Variants in SSC5D observed in about 807,000 individuals in gnomAD.
SSC5D encodes scavenger receptor cysteine rich family member with 5 domains.
In SSC5D, 106 loss-of-function variants were observed where a neutral mutation model predicts 104.6. That is an observed-to-expected ratio of 1.01 (90% CI 0.87 to 1.19). The LOEUF is 1.19. Among genes scored for constraint, SSC5D ranks in the 50% most tolerant of loss-of-function variants. SSC5D has a pLI of 0.00. For synonymous variants in SSC5D, 860 were observed against 883.5 expected (o/e 0.97, Z 0.47); for missense variants, 1,993 against 2,153.8 (o/e 0.93, Z 1.48).
At chr19:55,510,735 ATGG>A (rs1167208678) in intron 12 of SSC5D, among the ~76,000 whole-genome samples, 10 of 151,782 alleles carry the variant, frequency 6.6e-5, no homozygotes, top group Admixed American at 3.3e-4. Flanking sequence ...AGTACCACTA[ATGG>A]TGGTGTTTTT....
chr19:55,508,881 C>T (rs1287393522), intron 12 of SSC5D, among the ~76,000 whole-genome samples: 2 of 57,734 alleles, frequency 3.5e-5, no homozygotes, highest in African/African-American at 7.4e-5. Flanking sequence ...GCCTCATCCA[C>T]AGGGGATGGG....
intron 12 of SSC5D, among the ~76,000 whole-genome samples, chr19:55,506,124 C>T (rs1179970718): frequency 6.6e-6 from 1 of 151,772 alleles, no homozygotes; most frequent in East Asian, 1.9e-4. Flanking sequence ...TTAATTACAT[C>T]CACAAGTCCC....
chr19:55,489,710 A>T (rs1192714927), intron 3 of SSC5D, 48 bp downstream of exon 3: 1 of 1,515,698 alleles, frequency 6.6e-7, no homozygotes, highest in South Asian at 1.2e-5. Flanking sequence ...TTTGGAGATG[A>T]CCCAGGAACC....
Position 55,489,454 on chromosome 19 carries a change from G to A in SSC5D, c.153G>A (p.Leu51=). Residue 51 remains leucine, a synonymous_variant, in exon 3 of 14, where the codon CTG becomes CTA. Transcript: ENST00000389623. ...WGTVCDDGWD[L]RDAAVACRQL... The stretch of plus-strand genomic sequence containing the variant: ...CCGTGTGTGATGACGGCTGGGACCT[G>A]CGCGATGCCGCCGTGGCCTGCCGGC... 1 of 1,481,394 alleles carries A rather than the reference G, an allele frequency of 6.8e-7. No individual in the cohort carries two copies. The highest frequency in any genetic ancestry group is 8.9e-7 in the Non-Finnish European group (1 of 1,123,854). 91.8% of individuals were successfully genotyped at this position (1,481,394 alleles called of 1,614,324 possible).
chr19:55,499,931 T>G lies in SSC5D; in HGVS notation c.1821T>G (p.Ser607Arg). 1.3e-6 allele frequency: 2 copies of G among 1,551,708 alleles called. No individual in the cohort carries two copies. The highest frequency in any genetic ancestry group is 2.4e-5 in the East Asian group (1 of 40,868). The change falls in exon 10 of 14, where the codon AGT (serine) becomes AGG (arginine). Residue 607 changes from serine to arginine, a missense_variant. Physicochemically the swap from Ser to Arg is moderately radical, Grantham distance 110 (BLOSUM62 -1). Transcript: ENST00000389623. ...AGCTGGCCACCAAGCCCTCTGCAAG[T>G]GTGACTGCCAGTGTTCTGGAGAAAA... is the stretch of plus-strand genomic sequence containing the variant. Reference protein sequence around the residue: ...PGELATKPSASVTASVLEKTT... With the variant: ...PGELATKPSARVTASVLEKTT...
At chr19:55,494,048 T>G in intron 7 of SSC5D, 136 bp downstream of exon 7, 1 of 872,000 alleles carries the variant, frequency 1.1e-6, no homozygotes, top group Non-Finnish European at 1.7e-6. Context: ...CCCATCTTAT[T>G]CCCCTCTGAA....
Position 55,491,083 on chromosome 19 carries a change from A to T in SSC5D, c.895+3A>T, listed in dbSNP as rs1271462861. The T allele has an allele frequency of 1.9e-6, 3 of 1,547,136 alleles. No homozygotes were observed. Among genetic ancestry groups the T allele is most frequent in the Non-Finnish European group, 1.7e-6 (2 of 1,145,400 alleles). On this transcript the variant is annotated splice_donor_region_variant and intron_variant, in intron 6 of 13. Transcript: ENST00000389623. ...GGATGCGGGGCTGGTCTGCACCGGTACGTCGGGCTGGGGCCTGGCCCCCTC... is the reference window on the plus strand; with the variant it reads ...GGATGCGGGGCTGGTCTGCACCGGTTCGTCGGGCTGGGGCCTGGCCCCCTC...
intron 9 of SSC5D, among the ~76,000 whole-genome samples, chr19:55,498,839 G>T (rs764815899): frequency 4.6e-5 from 7 of 152,198 alleles, no homozygotes; most frequent in Non-Finnish European, 1.0e-4. Context: ...TAGAATCAAA[G>T]AATCTGTTAC....
In SSC5D at chr19:55,493,792, C is replaced by T; in HGVS notation, c.1093C>T (p.Pro365Ser). 1 of 1,548,374 alleles carries T rather than the reference C, an allele frequency of 6.5e-7. No individual in the cohort carries two copies. The highest frequency in any genetic ancestry group is 8.7e-7 in the Non-Finnish European group (1 of 1,146,354). The change falls in exon 7 of 14, where the codon CCC (proline) becomes TCC (serine). Residue 365 changes from proline (P) to serine (S), a missense_variant. Pro to Ser is a moderately conservative substitution (Grantham distance 74). This residue lies in a region of SSC5D where 1,101 missense variants were observed against 1,085.0 expected (regional missense o/e 1.01). Coordinates refer to ENST00000389623, the MANE Select transcript of SSC5D (RefSeq NM_001144950.2). Reference protein sequence around the residue: ...GGAFFGEGSGPIILDDLRCRG... With the variant: ...GGAFFGEGSGSIILDDLRCRG... ...CGCCTTCTTTGGGGAGGGGTCTGGA[C>T]CCATCATCCTGGACGACCTTCGGTG...
chr19:55,494,671 G>A lies in SSC5D; in HGVS notation c.1275G>A (p.Arg425=). 1 of 1,547,510 alleles carries A rather than the reference G, an allele frequency of 6.5e-7. No homozygotes were observed. Among genetic ancestry groups the A allele is most frequent in the Non-Finnish European group, 8.7e-7 (1 of 1,145,454 alleles). Residue 425 remains arginine (R), a synonymous_variant, in exon 8 of 14, where the codon AGG becomes AGA. Transcript: ENST00000389623. ...CGGACAGCAACAACTCCACGCCCAG[G>A]GAGGCTGCCTCCAGGCCCCCGTCCA... ...APTDSNNSTP[R]EAASRPPSTM...
intron 2 of SSC5D, 63 bp downstream of exon 2, chr19:55,489,095 C>G: frequency 1.0e-6 from 1 of 999,704 alleles, no homozygotes; most frequent in Non-Finnish European, 1.4e-6. Context: ...TTCTGCCCAT[C>G]CAGGCCTGGC....
intron 6 of SSC5D, 95 bp from the exon 7 acceptor site, chr19:55,493,500 G>T: frequency 9.1e-7 from 1 of 1,101,048 alleles, no homozygotes; most frequent in Non-Finnish European, 1.2e-6. Flanking sequence ...TTGCTTCCCA[G>T]AGTCATCTTG....
chr19:55,512,024 A>G (rs902746558), intron 12 of SSC5D, among the ~76,000 whole-genome samples: 1 of 151,950 alleles, frequency 6.6e-6, no homozygotes, highest in African/African-American at 2.4e-5. Flanking sequence ...ATTGCATGAT[A>G]CGTGACCTGT....
intron 12 of SSC5D, among the ~76,000 whole-genome samples, chr19:55,502,496 C>T (rs950646829): frequency 6.6e-6 from 1 of 151,838 alleles, no homozygotes; most frequent in Non-Finnish European, 1.5e-5. Flanking sequence ...TCTCCCTTGT[C>T]CTTCTGTCTT....
intron 12 of SSC5D, among the ~76,000 whole-genome samples, chr19:55,506,678 G>A (rs887362197): frequency 3.9e-5 from 6 of 152,096 alleles, no homozygotes; most frequent in Admixed American, 3.9e-4. Context: ...ACAGGCGTGA[G>A]CCACCGCGCC....
chr19:55,517,770 C>T lies in SSC5D; in HGVS notation c.3494C>T (p.Thr1165Ile). ...CCCACCATGGCCCCTGACCCCATCA[C>T]AACCCTTAACCCTACTGTGACCCCT... The part of the protein sequence containing the change: ...PDPTMAPDPI[T>I]TLNPTVTPHF... Residue 1165 changes from threonine to isoleucine, a missense_variant, in exon 14 of 14, where the codon ACA becomes ATA. Around this residue, in one of 6 missense-constraint regions of SSC5D, gnomAD observed 30 missense variants for 52.4 expected, o/e 0.57. Coordinates refer to ENST00000389623, the MANE Select transcript of SSC5D (RefSeq NM_001144950.2). The T allele has an allele frequency of 6.5e-7, 1 of 1,547,470 alleles. No individual in the cohort carries two copies. The highest frequency in any genetic ancestry group is 1.2e-5 in the South Asian group (1 of 83,786).
chr19:55,497,160 C>T (rs1050864393), intron 8 of SSC5D, among the ~76,000 whole-genome samples: 1 of 152,208 alleles, frequency 6.6e-6, no homozygotes, highest in African/African-American at 2.4e-5. Context: ...GTCTGCCTTG[C>T]CCTTTGGGTA....
intron 12 of SSC5D, among the ~76,000 whole-genome samples, chr19:55,509,930 C>T (rs182835330): frequency 2.9e-4 from 43 of 150,266 alleles, no homozygotes; most frequent in Non-Finnish European, 5.6e-4. Flanking sequence ...ACCAGATTTC[C>T]GACAGTGCAT....
At chr19:55,499,144 C>T (rs1987404797) in intron 9 of SSC5D, among the ~76,000 whole-genome samples, 1 of 152,182 alleles carries the variant, frequency 6.6e-6, no homozygotes, top group South Asian at 2.1e-4. Context: ...TCTGGCATGG[C>T]CCAAGTGCCC....
Sources: allele counts gnomAD v4.1 joint callset (sites outside exome capture counted in the v4.1 genomes callset), GRCh38; gene constraint gnomAD v4.1.1; regional missense constraint gnomAD v4.1.1; transcripts MANE v1.5; gene names NCBI Gene and HGNC (gene_info 2026-07-23, HGNC 2026-07-21).